RABGAP1L: variants seen among roughly 807,000 people sequenced by gnomAD.
The protein encoded by RABGAP1L is rab GTPase-activating protein 1-like.
RABGAP1L carries 63 observed loss-of-function variants against 137.7 expected under a neutral mutation model. That is an observed-to-expected ratio of 0.46 (90% CI 0.37 to 0.56). RABGAP1L has a LOEUF of 0.56. Among genes scored for constraint, RABGAP1L ranks in the 20% least tolerant of loss-of-function variants. The pLI, the probability that RABGAP1L is intolerant of heterozygous loss-of-function variation, is 0.00. For synonymous variants in RABGAP1L, 431 were observed against 433.7 expected, an observed-to-expected ratio of 0.99 and a Z score of 0.08; for missense variants, 1,095 against 1,244.0, an observed-to-expected ratio of 0.88 and a Z score of 1.80.
In RABGAP1L at chr1:174,176,713, G is replaced by GAAAAAAAAA. The variant is rs71563251; in HGVS notation, c.-34+17081_-34+17089dup. Among the ~76,000 whole-genome samples, 50 of 21,546 alleles carry GAAAAAAAAA rather than the reference G, an allele frequency of 2.3e-3. 5 individuals carry two copies. Among genetic ancestry groups the GAAAAAAAAA allele is most frequent in the African/African-American group, 6.9e-3 (48 of 6,930 alleles). 14.1% of individuals were successfully genotyped at this position (21,546 alleles called of 152,430 possible). ...GACAACAGAGGGAGACCCTTTTTCA[G>GAAAAAAAAA]AAAAAAAAAAAAAAAAAAAAAAAAA... is the stretch of plus-strand genomic sequence containing the variant. On this transcript the variant is annotated intron_variant, in intron 1 of 25. Transcript: ENST00000681986.
intron 13 of RABGAP1L, among the ~76,000 whole-genome samples, chr1:174,569,743 AGTG>A (rs979110640): frequency 9.8e-5 from 15 of 152,346 alleles, no homozygotes; most frequent in African/African-American, 3.4e-4. Context: ...TCAAGAATTC[AGTG>A]GTGTATTTTC....
chr1:174,850,564 C>G (rs929416320), intron 19 of RABGAP1L, among the ~76,000 whole-genome samples: 1 of 152,162 alleles, frequency 6.6e-6, no homozygotes, highest in African/African-American at 2.4e-5. Context: ...GTTGACAACA[C>G]TGTTTGGCTT....
intron 13 of RABGAP1L, among the ~76,000 whole-genome samples, chr1:174,563,443 T>C (rs536673275): frequency 3.3e-5 from 5 of 152,348 alleles, no homozygotes; most frequent in Admixed American, 1.3e-4. Context: ...GCTCTACTTT[T>C]CTGTCATCTA....
At chr1:174,698,506 G>A (rs1346826960) in intron 15 of RABGAP1L, among the ~76,000 whole-genome samples, 1 of 151,996 alleles carries the variant, frequency 6.6e-6, no homozygotes, top group Non-Finnish European at 1.5e-5. Flanking sequence ...CCCCCTTTTG[G>A]GAATGTGCTC....
chr1:174,424,133 T>G (rs527576574), intron 13 of RABGAP1L, among the ~76,000 whole-genome samples: 1 of 152,198 alleles, frequency 6.6e-6, no homozygotes, highest in South Asian at 2.1e-4. Context: ...TGTCTATGGT[T>G]TTTATGGCCT....
At chr1:174,332,624 G>GA (rs1201559514) in intron 11 of RABGAP1L, among the ~76,000 whole-genome samples, 8 of 152,192 alleles carry the variant, frequency 5.3e-5, no homozygotes, top group Non-Finnish European at 7.4e-5. Flanking sequence ...TCGTACTCTT[G>GA]ACCTCAAGTG....
chr1:174,653,751 C>T (rs1309338792), intron 14 of RABGAP1L, among the ~76,000 whole-genome samples: 2 of 152,202 alleles, frequency 1.3e-5, no homozygotes, highest in East Asian at 3.9e-4. Context: ...TGAACAATAT[C>T]TGATTACTTT....
At chr1:174,820,988 G>A (rs1476606588) in intron 19 of RABGAP1L, among the ~76,000 whole-genome samples, 2 of 148,808 alleles carry the variant, frequency 1.3e-5, no homozygotes, top group East Asian at 4.0e-4. Context: ...CTGCACTCCA[G>A]CCTGGGCGAC....
At chr1:174,653,829 T>C (rs529776389) in intron 14 of RABGAP1L, among the ~76,000 whole-genome samples, 3 of 152,360 alleles carry the variant, frequency 2.0e-5, no homozygotes, top group African/African-American at 7.2e-5. Flanking sequence ...TTCTTTGTCC[T>C]AGAGAGCCAA....
intron 14 of RABGAP1L, among the ~76,000 whole-genome samples, chr1:174,681,165 T>G (rs1678037201): frequency 6.6e-6 from 1 of 152,206 alleles, no homozygotes; most frequent in Admixed American, 6.5e-5. Context: ...GGCAATTTCT[T>G]ATAAAGATAA....
intron 17 of RABGAP1L, among the ~76,000 whole-genome samples, chr1:174,706,969 G>C (rs1002022445): frequency 1.3e-5 from 2 of 152,112 alleles, no homozygotes; most frequent in Non-Finnish European, 2.9e-5. Context: ...GTTGTTTCTA[G>C]TTTCCAGAAG....
chr1:174,976,136 T>C lies in RABGAP1L; in HGVS notation c.2603T>C (p.Val868Ala), dbSNP rs771404822. ...CTCCTTTTGACCAAACAGAGGCTGG[T>C]GGAGACTGAAGAGGAGAAGAGGAAG... ...KELLLTKQRL[V>A]ETEEEKRKQE... The change falls in exon 22 of 26, where the codon GTG becomes GCG. Residue 868 changes from valine (V) to alanine (A), a missense_variant. By Grantham distance (64) the Val-to-Ala change is moderately conservative (BLOSUM62 0). Around this residue, in one of 4 missense-constraint regions of RABGAP1L, gnomAD observed 312 missense variants for 435.6 expected, o/e 0.72. Transcript: ENST00000681986. 1.3e-6 allele frequency: 2 copies of C among 1,550,896 alleles called. No homozygotes were observed. The highest frequency in any genetic ancestry group is 2.4e-5 in the South Asian group (2 of 84,054).
intron 19 of RABGAP1L, among the ~76,000 whole-genome samples, chr1:174,843,862 T>A (rs1257585921): frequency 7.6e-6 from 1 of 131,368 alleles, no homozygotes; most frequent in Middle Eastern, 4.0e-3. Context: ...AAAGTGTTCC[T>A]ATTTCTCCAC....
chr1:174,589,496 C>A (rs1255396020), intron 13 of RABGAP1L, among the ~76,000 whole-genome samples: 2 of 151,990 alleles, frequency 1.3e-5, no homozygotes, highest in Non-Finnish European at 2.9e-5. Context: ...TCTTTGGTTG[C>A]TTGTGCTCGT....
At chr1:174,426,661 T>C (rs1197312923) in intron 13 of RABGAP1L, among the ~76,000 whole-genome samples, 2 of 152,090 alleles carry the variant, frequency 1.3e-5, no homozygotes, top group Non-Finnish European at 2.9e-5. Context: ...TGAGCACTTT[T>C]TTCCTAGAGT....
chr1:174,823,356 A>G (rs1224413026), intron 19 of RABGAP1L, among the ~76,000 whole-genome samples: 9 of 152,240 alleles, frequency 5.9e-5, no homozygotes, highest in Non-Finnish European at 1.3e-4. Flanking sequence ...TGGGAACAGC[A>G]GTAATCAATA....
intron 18 of RABGAP1L, among the ~76,000 whole-genome samples, 200 bp downstream of exon 18, chr1:174,752,554 T>A (rs1684424014): frequency 6.6e-6 from 1 of 152,120 alleles, no homozygotes; most frequent in Non-Finnish European, 1.5e-5. Flanking sequence ...TTTTTTCTTA[T>A]AATCCATTTA....
chr1:174,957,712 C>T, intron 20 of RABGAP1L, 163 bp downstream of exon 20: 1 of 926,798 alleles, frequency 1.1e-6, no homozygotes, highest in Non-Finnish European at 1.7e-6. Context: ...CCACCATTCC[C>T]AGCAAAGTAC....
intron 13 of RABGAP1L, among the ~76,000 whole-genome samples, chr1:174,615,884 G>A (rs548185043): frequency 6.6e-6 from 1 of 152,258 alleles, no homozygotes; most frequent in Non-Finnish European, 1.5e-5. Flanking sequence ...CTCCGAGCCA[G>A]GTGCAGGATA....
Sources: allele counts gnomAD v4.1 joint callset (sites outside exome capture counted in the v4.1 genomes callset), GRCh38; gene constraint gnomAD v4.1.1; regional missense constraint gnomAD v4.1.1; transcripts MANE v1.5; gene names NCBI Gene and HGNC (gene_info 2026-07-23, HGNC 2026-07-21).